The following AGO2 variants were observed in gnomAD, a reference collection of about 807,000 sequenced individuals.
The protein encoded by AGO2 is protein argonaute-2.
In AGO2, 5 loss-of-function variants were observed where a neutral mutation model predicts 102.3. The ratio of observed to expected loss-of-function variants is 0.05; its 90% CI spans 0.03 to 0.10. The LOEUF is 0.10. Ranked by LOEUF, AGO2 falls within the 10% of genes least tolerant of loss-of-function variation. The pLI is 1.00. For missense variants in AGO2, 541 were observed against 1,183.7 expected (o/e 0.46, Z 7.97); for synonymous variants, 449 against 473.1 (o/e 0.95, Z 0.66).
At chr8:140,576,510 A>C (rs1651855325) in intron 2 of AGO2, among the ~76,000 whole-genome samples, 1 of 152,202 alleles carries the variant, frequency 6.6e-6, no homozygotes, top group African/African-American at 2.4e-5. Context: ...GGATACACAA[A>C]TGGCGGGTAA....
chr8:140,560,271 G>T, intron 5 of AGO2, 103 bp downstream of exon 5: 2 of 1,499,202 alleles, frequency 1.3e-6, no homozygotes, highest in Non-Finnish European at 1.8e-6. Context: ...TCTGACAGAG[G>T]CCATGCGTGG....
At position 140,526,690 on chromosome 8, in the gene AGO2, C is replaced by T. The variant is rs965832066; in HGVS notation, c.*5354G>A. On this transcript the variant is annotated 3_prime_UTR_variant, in exon 19 of 19. Coordinates refer to ENST00000220592, the MANE Select transcript of AGO2 (RefSeq NM_012154.5). This position sits in a 1 kb window ranked among gnomAD's most constrained non-coding sequence, Gnocchi z 5.2. ...TTTTAAACTAAAAGGTATTTAGGAA[C>T]CACCTTCTGTAGTGATTTGGCTAAG... 4.6e-5 allele frequency: 7 copies of T among 152,022 alleles called. No homozygotes were observed. The highest frequency in any genetic ancestry group is 1.3e-4 in the Admixed American group (2 of 15,268). The allele number at this position is 152,022 out of a possible 1,614,324, so 9.4% of individuals were successfully genotyped here.
In AGO2 at chr8:140,528,878, G is replaced by T. The variant is rs894142738; in HGVS notation, c.*3166C>A. 1 of 152,168 alleles carries T rather than the reference G, an allele frequency of 6.6e-6. No individual in the cohort carries two copies. Among genetic ancestry groups the T allele is most frequent in the Non-Finnish European group, 1.5e-5 (1 of 68,034 alleles). The allele number at this position is 152,168 out of a possible 1,614,324, so 9.4% of individuals were successfully genotyped here. A position where few individuals can be genotyped will look rare whatever the true frequency, so the allele number is the denominator to read the frequency against. ...GCTTTCCACCGCTCCCCTGGTGTTC[G>T]TTAATTGCGTCGTCATTACAGCAAG... On this transcript the variant is annotated 3_prime_UTR_variant, in exon 19 of 19. Transcript: ENST00000220592. The surrounding 1 kb of genome is among the most constrained non-coding windows in gnomAD (Gnocchi z 4.5).
chr8:140,559,624 A>T, intron 5 of AGO2, 95 bp from the exon 6 acceptor site: 20 of 1,500,614 alleles, frequency 1.3e-5, no homozygotes, highest in East Asian at 2.3e-5. Flanking sequence ...CAGGCCAGCC[A>T]TGGTGGGGAC....
intron 1 of AGO2, among the ~76,000 whole-genome samples, chr8:140,598,949 C>T (rs1275423556): frequency 1.3e-5 from 2 of 152,164 alleles, no homozygotes; most frequent in East Asian, 1.9e-4. Flanking sequence ...GACAGAAACG[C>T]GACAACAGAG....
Position 140,539,862 on chromosome 8 carries a change from G to C in AGO2, c.2035-408C>G, listed in dbSNP as rs1411547285. Among the ~76,000 whole-genome samples the C allele has an allele frequency of 6.6e-6, 1 of 152,206 alleles. No individual in the cohort carries two copies. On this transcript the variant is annotated intron_variant, in intron 15 of 18. Transcript: ENST00000220592. The surrounding 1 kb of genome is among the most constrained non-coding windows in gnomAD (Gnocchi z 4.7). ...CCAGGACTTTGGGAGGCCGAGTTGG[G>C]CGGATCACAAGATCAAGAGATCGAG...
At chr8:140,592,511 T>C (rs1564104789) in intron 1 of AGO2, 1 of 152,224 alleles carries the variant, frequency 6.6e-6, no homozygotes, top group East Asian at 1.9e-4. Flanking sequence ...TAAAAGAATA[T>C]CTTCTTGTTA....
chr8:140,605,695 T>C (rs770484396), intron 1 of AGO2: 12 of 152,034 alleles, frequency 7.9e-5, no homozygotes, highest in Non-Finnish European at 1.3e-4. Flanking sequence ...TTCCCAGCCA[T>C]TGCTCTTGAC....
chr8:140,573,008 TA>T (rs375351417), intron 2 of AGO2, 76 bp from the exon 3 acceptor site: 27 of 1,364,306 alleles, frequency 2.0e-5, no homozygotes, highest in South Asian at 7.2e-5. Flanking sequence ...TTTCTGACGC[TA>T]TTTTTTTTTT....
intron 2 of AGO2, among the ~76,000 whole-genome samples, chr8:140,573,385 G>T (rs1385835003): frequency 1.3e-5 from 2 of 151,772 alleles, no homozygotes; most frequent in Non-Finnish European, 2.9e-5. Context: ...CATCATGTTG[G>T]CCGGGCTGGT....
rs1015675366 is a variant in AGO2 at position 140,532,774 on chromosome 8, A to G, written c.2272-159T>C. 5.3e-5 allele frequency: 39 copies of G among 731,052 alleles called. 1 individual carries two copies. The African/African-American group carries it at 6.7e-4, about 13-fold the overall frequency. The allele number at this position is 731,052 out of a possible 1,614,324, so 45.3% of individuals were successfully genotyped here. A position where few individuals can be genotyped will look rare whatever the true frequency, so the allele number is the denominator to read the frequency against. On this transcript the variant is annotated intron_variant, in intron 17 of 18. Coordinates refer to ENST00000220592, the MANE Select transcript of AGO2 (RefSeq NM_012154.5). Reference sequence around the variant, plus strand: ...CACTTTGGGAGGCCAAGGCGGGCAGATCACGCGGTCAGGAGTTCGAGTCCA... The same window carrying G: ...CACTTTGGGAGGCCAAGGCGGGCAGGTCACGCGGTCAGGAGTTCGAGTCCA...
chr8:140,627,118 C>G (rs2074288486), intron 1 of AGO2, among the ~76,000 whole-genome samples: 1 of 152,372 alleles, frequency 6.6e-6, no homozygotes, highest in East Asian at 1.9e-4. Flanking sequence ...CAGTGCCCGC[C>G]ACCTTCCCGC....
intron 2 of AGO2, among the ~76,000 whole-genome samples, chr8:140,577,385 G>A (rs1042599405): frequency 1.3e-5 from 2 of 152,170 alleles, no homozygotes; most frequent in Non-Finnish European, 2.9e-5. Context: ...ACACTTAACT[G>A]CAATGGGGCA....
chr8:140,568,093 A>G (rs1388369314), intron 3 of AGO2, among the ~76,000 whole-genome samples: 1 of 116,300 alleles, frequency 8.6e-6, no homozygotes, highest in Non-Finnish European at 1.7e-5. Context: ...CCCCGTCTCT[A>G]CTAAAAATAC....
chr8:140,604,709 C>G (rs1412152799), intron 1 of AGO2, among the ~76,000 whole-genome samples: 1 of 151,684 alleles, frequency 6.6e-6, no homozygotes, highest in African/African-American at 2.4e-5. Context: ...TGCCTGTAGT[C>G]CCAGCTACAT....
intron 10 of AGO2, among the ~76,000 whole-genome samples, 198 bp from the exon 11 acceptor site, chr8:140,551,634 A>AGATAGGTGGGTGGATGGTT (rs2072996951): frequency 3.0e-5 from 2 of 66,912 alleles, no homozygotes; most frequent in African/African-American, 5.7e-5. Context: ...GGCTGGTGGA[A>AGATAGGTGGGTGGATGGTT]GATGGGTGGG....
In AGO2 at chr8:140,535,718, C is replaced by A. The variant is rs559705892; in HGVS notation, c.2170-149G>T. On this transcript the variant is annotated intron_variant, in intron 16 of 18. Coordinates refer to ENST00000220592, the MANE Select transcript of AGO2 (RefSeq NM_012154.5). The stretch of plus-strand genomic sequence containing the variant: ...ACAGGTCCTCGGTAGGATAGTGTTA[C>A]ATAAAATTTAACAACTGCTGACCAC... 479 of 669,540 alleles carry A rather than the reference C, an allele frequency of 7.2e-4. 3 individuals are homozygous for A. In the African/African-American group the frequency reaches 7.7e-3, roughly 11 times the overall value. 41.5% of individuals were successfully genotyped at this position (669,540 alleles called of 1,614,324 possible).
Position 140,531,513 on chromosome 8 carries a change from T to G in AGO2, c.*531A>C, listed in dbSNP as rs1285525128. On this transcript the variant is annotated 3_prime_UTR_variant, in exon 19 of 19. Coordinates refer to ENST00000220592, the MANE Select transcript of AGO2 (RefSeq NM_012154.5). ...GACGCCTCTGCATGGCCACCGGCCC[T>G]CAGTCGAGGAACTTGGGTGAGCCAC... 3 of 154,478 alleles carry G rather than the reference T, an allele frequency of 1.9e-5. No individual in the cohort carries two copies. The highest frequency in any genetic ancestry group is 4.3e-5 in the Non-Finnish European group (3 of 69,404). 9.6% of individuals were successfully genotyped at this position (154,478 alleles called of 1,614,324 possible). A position where few individuals can be genotyped will look rare whatever the true frequency, so the allele number is the denominator to read the frequency against.
At chr8:140,600,301 G>A (rs775596477) in intron 1 of AGO2, among the ~76,000 whole-genome samples, 1 of 152,250 alleles carries the variant, frequency 6.6e-6, no homozygotes, top group African/African-American at 2.4e-5. Flanking sequence ...ACTTGGCGAG[G>A]CCTCTGCTTC....
Sources: allele counts gnomAD v4.1 joint callset (sites outside exome capture counted in the v4.1 genomes callset), GRCh38; gene constraint gnomAD v4.1.1; non-coding constraint Gnocchi (gnomAD v3.1); transcripts MANE v1.5; gene names NCBI Gene and HGNC (gene_info 2026-07-23, HGNC 2026-07-21).